Variants in VPS13D observed in about 807,000 individuals in gnomAD.
VPS13D encodes intermembrane lipid transfer protein VPS13D.
Under a neutral mutation model 461.9 loss-of-function variants are expected in VPS13D, and 187 were observed. The observed-to-expected ratio is 0.40, with a 90% confidence interval of 0.36 to 0.46. VPS13D has a LOEUF of 0.46. VPS13D is among the 20% of genes least tolerant of loss of function. VPS13D has a pLI of 0.60. For synonymous variants in VPS13D, 1,951 were observed against 1,986.3 expected, an observed-to-expected ratio of 0.98 and a Z score of 0.47; for missense variants, 4,711 against 5,364.9, an observed-to-expected ratio of 0.88 and a Z score of 3.81.
At chr1:12,349,467 ATT>A in intron 46 of VPS13D, 93 bp downstream of exon 46, 1 of 1,194,822 alleles carries the variant, frequency 8.4e-7, no homozygotes, top group Non-Finnish European at 1.2e-6. Context: ...ACCCTTAGAG[ATT>A]CAGTTATCTT....
rs115003370 is a variant in VPS13D at position 12,479,740 on chromosome 1, C to G, written c.12663-17760C>G. ...ACCTCATGATTTCAATCCAAAGCATCTGACCAAGTGTTAGGTCTACTTCCT... is the reference window on the plus strand; with the variant it reads ...ACCTCATGATTTCAATCCAAAGCATGTGACCAAGTGTTAGGTCTACTTCCT... On this transcript the variant is annotated intron_variant, in intron 67 of 69. Transcript: ENST00000620676. Among the ~76,000 whole-genome samples the G allele has an allele frequency of 5.5e-3, 843 of 152,300 alleles. 2 individuals are homozygous for G. Among genetic ancestry groups the G allele is most frequent in the African/African-American group, 0.018 (766 of 41,554 alleles).
chr1:12,341,871 C>CCTA lies in VPS13D; in HGVS notation c.8718_8719insCTA (p.Thr2906_Thr2907insLeu). 3.7e-6 allele frequency: 6 copies of CCTA among 1,614,052 alleles called. No individual in the cohort carries two copies. Among genetic ancestry groups the CCTA allele is most frequent in the Non-Finnish European group, 5.1e-6 (6 of 1,179,962 alleles). On this transcript the variant is annotated inframe_insertion, in exon 41 of 70. Coordinates refer to ENST00000620676, the MANE Select transcript of VPS13D (RefSeq NM_015378.4). ...GCACTTTGTGGTTTGCCACCCTGAC[C>CCTA]ACCACACCCACCAGGTAAGCAGTCA...
Position 12,256,420 on chromosome 1 carries a change from T to C in VPS13D, c.757T>C (p.Ser253Pro), listed in dbSNP as rs776613499. ...FASALLKRNC[S>P]KKPLRSRHSP... ...ATCTGCTCTTTTGAAGAGAAACTGC[T>C]CCAAGAAGCCCCTGCGGTCTCGGCA... The change falls in exon 8 of 70, where the codon TCC becomes CCC. Residue 253 changes from serine to proline, a missense_variant. Physicochemically the swap from Ser to Pro is moderately conservative, Grantham distance 74 (BLOSUM62 -1). Transcript: ENST00000620676. The C allele has an allele frequency of 3.1e-6, 5 of 1,614,012 alleles. No individual in the cohort carries two copies. Among genetic ancestry groups the C allele is most frequent in the Non-Finnish European group, 4.2e-6 (5 of 1,180,018 alleles).
intron 16 of VPS13D, among the ~76,000 whole-genome samples, chr1:12,269,698 T>C (rs981790599): frequency 2.0e-5 from 3 of 152,244 alleles, no homozygotes; most frequent in African/African-American, 7.2e-5. Flanking sequence ...AAAATACTTT[T>C]ATGGACAGGG....
intron 63 of VPS13D, chr1:12,407,328 A>G (rs967102127): frequency 1.3e-5 from 2 of 152,216 alleles, no homozygotes; most frequent in African/African-American, 4.8e-5. Flanking sequence ...CTGAGACCTT[A>G]TGGTATATAG....
intron 37 of VPS13D, among the ~76,000 whole-genome samples, chr1:12,330,190 G>A (rs889382976): frequency 5.9e-5 from 9 of 152,272 alleles, no homozygotes; most frequent in East Asian, 1.9e-4. Context: ...TGAGGAGGGC[G>A]GATCACCCTG....
intron 35 of VPS13D, 60 bp downstream of exon 35, chr1:12,323,840 T>A: frequency 6.4e-7 from 1 of 1,551,628 alleles, no homozygotes; most frequent in Non-Finnish European, 8.9e-7. Context: ...TCCTTCCCAT[T>A]TCCTCTCTTA....
chr1:12,410,849 T>A lies in VPS13D; in HGVS notation c.12031-4238T>A, dbSNP rs888532849. Among the ~76,000 whole-genome samples, 3 of 152,194 alleles carry A rather than the reference T, an allele frequency of 2.0e-5. No homozygotes were observed. In the South Asian group the frequency reaches 6.2e-4, roughly 32 times the overall value. Reference sequence around the variant, plus strand: ...CAGATAAATTTGGTATTTTACCACATCAACACGATAAAATAGAATATGATT... The same window carrying A: ...CAGATAAATTTGGTATTTTACCACAACAACACGATAAAATAGAATATGATT... On this transcript the variant is annotated intron_variant, in intron 63 of 69. Transcript: ENST00000620676.
chr1:12,502,680 T>A lies in VPS13D; in HGVS notation c.12795-4173T>A, dbSNP rs1412021288. Among the ~76,000 whole-genome samples, 1 of 148,692 alleles carries A rather than the reference T, an allele frequency of 6.7e-6. No individual in the cohort carries two copies. The highest frequency in any genetic ancestry group is 1.5e-5 in the Non-Finnish European group (1 of 67,392). On this transcript the variant is annotated intron_variant, in intron 68 of 69. Coordinates refer to ENST00000620676, the MANE Select transcript of VPS13D (RefSeq NM_015378.4). The surrounding 1 kb of genome is among the most constrained non-coding windows in gnomAD (Gnocchi z 4.3). ...AGAGCAGGAGGAAAATTAAGTAGAG[T>A]GGCTGAAACAGTTACTTGGCAGATT... is the stretch of plus-strand genomic sequence containing the variant.
chr1:12,483,175 A>G (rs1329318101), intron 67 of VPS13D, among the ~76,000 whole-genome samples: 33 of 152,278 alleles, frequency 2.2e-4, no homozygotes, highest in Non-Finnish European at 1.0e-4. Flanking sequence ...GAGAGGACTG[A>G]CTCCTCCAGC....
At chr1:12,413,457 A>C (rs1346039463) in intron 63 of VPS13D, among the ~76,000 whole-genome samples, 1 of 152,062 alleles carries the variant, frequency 6.6e-6, no homozygotes, top group African/African-American at 2.4e-5. Flanking sequence ...TGGGCAACAG[A>C]GACTTTGTTT....
At chr1:12,288,409 G>C (rs1642033718) in intron 22 of VPS13D, 96 bp downstream of exon 22, 8 of 1,115,986 alleles carry the variant, frequency 7.2e-6, no homozygotes, top group African/African-American at 1.5e-5. Context: ...TGCTGAGTAA[G>C]GTGTGGCAGT....
chr1:12,237,804 G>C (rs1640205687), intron 2 of VPS13D, among the ~76,000 whole-genome samples: 2 of 152,094 alleles, frequency 1.3e-5, no homozygotes, highest in Admixed American at 1.3e-4. Flanking sequence ...TGTAGCCTGG[G>C]CAACAGAGCA....
intron 65 of VPS13D, among the ~76,000 whole-genome samples, chr1:12,417,359 C>A (rs926571614): frequency 1.3e-5 from 2 of 152,206 alleles, no homozygotes; most frequent in Non-Finnish European, 2.9e-5. Flanking sequence ...AATTCGTGGA[C>A]ATTTTCTTAG....
chr1:12,242,000 G>T (rs1640391406), intron 2 of VPS13D, among the ~76,000 whole-genome samples: 1 of 151,954 alleles, frequency 6.6e-6, no homozygotes, highest in Non-Finnish European at 1.5e-5. Flanking sequence ...TAAGCAAGGG[G>T]TCAGCAAAGA....
At chr1:12,369,227 A>ATG (rs1427197447) in intron 53 of VPS13D, among the ~76,000 whole-genome samples, 1 of 149,274 alleles carries the variant, frequency 6.7e-6, no homozygotes, top group African/African-American at 2.5e-5. Flanking sequence ...GTGTGTGTGT[A>ATG]TCTGTGTGTG....
intron 7 of VPS13D, among the ~76,000 whole-genome samples, chr1:12,255,324 G>T (rs1569696719): frequency 6.6e-6 from 1 of 152,284 alleles, no homozygotes; most frequent in South Asian, 2.1e-4. Context: ...TAAAGGTAAA[G>T]ATCTTTATGA....
At chr1:12,305,507 C>T (rs1259544108) in intron 26 of VPS13D, among the ~76,000 whole-genome samples, 2 of 152,142 alleles carry the variant, frequency 1.3e-5, no homozygotes, top group Middle Eastern at 3.4e-3. Flanking sequence ...CAGGCTGGGT[C>T]TTAAACTCCC....
At chr1:12,304,312 G>A (rs1642501192) in intron 25 of VPS13D, among the ~76,000 whole-genome samples, 194 bp from the exon 26 acceptor site, 1 of 152,108 alleles carries the variant, frequency 6.6e-6, no homozygotes, top group Non-Finnish European at 1.5e-5. Context: ...AATTTTTTGT[G>A]GCAGTAAATG....
Sources: allele counts gnomAD v4.1 joint callset (sites outside exome capture counted in the v4.1 genomes callset), GRCh38; gene constraint gnomAD v4.1.1; non-coding constraint Gnocchi (gnomAD v3.1); transcripts MANE v1.5; gene names NCBI Gene and HGNC (gene_info 2026-07-23, HGNC 2026-07-21).